Variants in TMEM132B observed in about 807,000 individuals in gnomAD.
TMEM132B encodes transmembrane protein 132B.
A neutral mutation model predicts 90.8 loss-of-function variants in TMEM132B; 18 were observed. The ratio of observed to expected loss-of-function variants is 0.20; its 90% confidence interval spans 0.14 to 0.29. TMEM132B has a LOEUF of 0.29. Ranked by LOEUF, TMEM132B falls within the 10% of genes least tolerant of loss-of-function variation. The pLI, the probability that TMEM132B is intolerant of heterozygous loss-of-function variation, is 1.00. For synonymous variants in TMEM132B, 504 were observed against 523.3 expected, an observed-to-expected ratio of 0.96 and a Z score of 0.50; for missense variants, 1,096 against 1,326.8, an observed-to-expected ratio of 0.83 and a Z score of 2.70.
intron 5 of TMEM132B, among the ~76,000 whole-genome samples, chr12:125,627,679 C>T (rs1457471163): frequency 6.6e-6 from 1 of 152,046 alleles, no homozygotes; most frequent in African/African-American, 2.4e-5. Flanking sequence ...CAGTTATACT[C>T]TTCTAGTTAT....
intron 3 of TMEM132B, among the ~76,000 whole-genome samples, chr12:125,491,520 C>T (rs1882349919): frequency 6.6e-6 from 1 of 152,364 alleles, no homozygotes; most frequent in Non-Finnish European, 1.5e-5. Context: ...ATGATGTTCA[C>T]TGCATCTGCA....
intron 5 of TMEM132B, among the ~76,000 whole-genome samples, chr12:125,619,443 C>T (rs537544952): frequency 6.6e-6 from 1 of 152,028 alleles, no homozygotes; most frequent in Non-Finnish European, 1.5e-5. Context: ...CGGCTCACTG[C>T]AACTTCTGCC....
chr12:125,440,333 C>G (rs1248225433), intron 3 of TMEM132B, among the ~76,000 whole-genome samples: 1 of 152,080 alleles, frequency 6.6e-6, no homozygotes, highest in Admixed American at 6.5e-5. Flanking sequence ...AATTATTCCT[C>G]TTTTTAAAAG....
intron 3 of TMEM132B, among the ~76,000 whole-genome samples, chr12:125,424,583 G>C (rs416256): frequency 0.97 from 147,245 of 152,318 alleles, 71,375 homozygotes; most frequent in East Asian, 1. Context: ...TGTAGTCATT[G>C]TTTTCTTTAA....
chr12:125,524,854 A>AAG (rs1307956886), intron 4 of TMEM132B, among the ~76,000 whole-genome samples: 3 of 152,150 alleles, frequency 2.0e-5, no homozygotes, highest in Non-Finnish European at 2.9e-5. Flanking sequence ...AATATGGGTG[A>AAG]AGAGAGAGAG....
At chr12:125,636,295 T>G (rs187184692) in intron 5 of TMEM132B, among the ~76,000 whole-genome samples, 272 of 151,914 alleles carry the variant, frequency 1.8e-3, no homozygotes, top group Middle Eastern at 3.4e-3. Context: ...TGAAATTCCT[T>G]TAGTGATTCC....
At chr12:125,395,944 C>T (rs564050151) in intron 2 of TMEM132B, among the ~76,000 whole-genome samples, 3 of 152,336 alleles carry the variant, frequency 2.0e-5, no homozygotes, top group East Asian at 3.9e-4. Context: ...CACATGTCTA[C>T]TTGTGAGCCA....
chr12:125,466,509 G>A (rs1340959379), intron 3 of TMEM132B, among the ~76,000 whole-genome samples: 2 of 152,230 alleles, frequency 1.3e-5, no homozygotes, highest in Non-Finnish European at 2.9e-5. Context: ...CCTGTTGTGA[G>A]CATCACTGTT....
Position 125,349,576 on chromosome 12 carries a change from C to A in TMEM132B, c.192C>A (p.Asp64Glu). The change falls in exon 2 of 9, where the codon GAC (aspartate) becomes GAA (glutamate). Residue 64 changes from aspartate to glutamate, a missense_variant. Physicochemically the swap from Asp to Glu is conservative, Grantham distance 45. Coordinates refer to ENST00000682704, the MANE Select transcript of TMEM132B (RefSeq NM_001366854.1). The surrounding 1 kb of genome is among the most constrained non-coding windows in gnomAD (Gnocchi z 4.1). Reference protein sequence around the residue: ...ESFFLKEANQDLTRNSSLQAR... With the variant: ...ESFFLKEANQELTRNSSLQAR... The stretch of plus-strand genomic sequence containing the variant: ...TTTTCCTTAAAGAAGCCAACCAAGA[C>A]CTCACAAGGAACTCCAGTCTGCAGG... The A allele has an allele frequency of 6.2e-7, 1 of 1,614,204 alleles. No individual in the cohort carries two copies. Among genetic ancestry groups the A allele is most frequent in the Non-Finnish European group, 8.5e-7 (1 of 1,180,044 alleles).
At chr12:125,317,509 G>A (rs770446424) in intron 1 of TMEM132B, among the ~76,000 whole-genome samples, 1 of 152,090 alleles carries the variant, frequency 6.6e-6, no homozygotes, top group Non-Finnish European at 1.5e-5. Flanking sequence ...GCTGGGGGCA[G>A]GACTTTGGGC....
intron 5 of TMEM132B, among the ~76,000 whole-genome samples, chr12:125,619,945 A>G (rs190863564): frequency 3.3e-5 from 5 of 152,336 alleles, no homozygotes; most frequent in African/African-American, 1.2e-4. Context: ...AGGGAAGACA[A>G]TGGAGCATCA....
chr12:125,518,701 T>C (rs1373619018), intron 3 of TMEM132B, among the ~76,000 whole-genome samples: 6 of 152,206 alleles, frequency 3.9e-5, no homozygotes, highest in Non-Finnish European at 8.8e-5. Context: ...CACTAGTCTT[T>C]TTCAGTTATG....
At chr12:125,493,091 G>A (rs1216261398) in intron 3 of TMEM132B, among the ~76,000 whole-genome samples, 1 of 152,088 alleles carries the variant, frequency 6.6e-6, no homozygotes, top group African/African-American at 2.4e-5. Context: ...CACCTGCAGG[G>A]CAGTGGCCTG....
rs373553263 is a variant in TMEM132B at position 125,415,867 on chromosome 12, G to A, written c.1106+190G>A. 8.5e-5 allele frequency among the ~76,000 whole-genome samples: 13 copies of A among 152,170 alleles called. No homozygotes were observed. The highest frequency in any genetic ancestry group is 3.1e-4 in the African/African-American group (13 of 41,426). Reference sequence around the variant, plus strand: ...TCACAGCGTCGGGTTTGGTAACCGCGTTTTAAATTTTTATCTTTATTATTA... The same window carrying A: ...TCACAGCGTCGGGTTTGGTAACCGCATTTTAAATTTTTATCTTTATTATTA... On this transcript the variant is annotated intron_variant, in intron 3 of 8. Coordinates refer to ENST00000682704, the MANE Select transcript of TMEM132B (RefSeq NM_001366854.1). The surrounding 1 kb of genome is among the most constrained non-coding windows in gnomAD (Gnocchi z 5.3).
At chr12:125,377,447 G>A (rs1878527839) in intron 2 of TMEM132B, among the ~76,000 whole-genome samples, 1 of 152,152 alleles carries the variant, frequency 6.6e-6, no homozygotes, top group Non-Finnish European at 1.5e-5. Flanking sequence ...GGGTGGTTAG[G>A]TTCAGAATTC....
At position 125,197,509 on chromosome 12, in the gene TMEM132B, A is replaced by G. The variant is rs137934507; in HGVS notation, c.67+10643A>G. ...GGCCACGGACCAAATTTGGCCCTCT[A>G]CTTGTTTTTTAAATAAAGTTTTATT... On this transcript the variant is annotated intron_variant, in intron 1 of 8. Coordinates refer to ENST00000682704, the MANE Select transcript of TMEM132B (RefSeq NM_001366854.1). Among the ~76,000 whole-genome samples the G allele has an allele frequency of 1.6e-4, 24 of 152,254 alleles. No homozygotes were observed. In the East Asian group the frequency reaches 3.7e-3, roughly 23 times the overall value.
chr12:125,300,998 A>G (rs1316195254), intron 1 of TMEM132B: 1 of 151,780 alleles, frequency 6.6e-6, no homozygotes, highest in Non-Finnish European at 1.5e-5. Flanking sequence ...GGTTGCCTCC[A>G]TTGCTACGTG....
intron 6 of TMEM132B, among the ~76,000 whole-genome samples, chr12:125,645,107 A>C (rs1450074873): frequency 6.6e-6 from 1 of 150,870 alleles, no homozygotes; most frequent in Non-Finnish European, 1.5e-5. Flanking sequence ...AGTCCCAGCT[A>C]CTCGGGAAGC....
At chr12:125,471,133 C>T (rs1844913) in intron 3 of TMEM132B, among the ~76,000 whole-genome samples, 5,363 of 152,338 alleles carry the variant, frequency 0.035, 164 homozygotes, top group Admixed American at 0.1. Flanking sequence ...TGAGCTCAAT[C>T]ATTCCAGCCT....
Sources: allele counts gnomAD v4.1 joint callset (sites outside exome capture counted in the v4.1 genomes callset), GRCh38; gene constraint gnomAD v4.1.1; non-coding constraint Gnocchi (gnomAD v3.1); transcripts MANE v1.5; gene names NCBI Gene and HGNC (gene_info 2026-07-23, HGNC 2026-07-21).